Variants in CLIC5 observed in about 807,000 individuals in gnomAD.
CLIC5 encodes chloride intracellular channel protein 5.
A neutral mutation model predicts 24.7 loss-of-function variants in CLIC5; 20 were observed. The observed-to-expected ratio is 0.81, with a 90% confidence interval of 0.57 to 1.18. CLIC5 has a LOEUF of 1.18. CLIC5 is among the 50% of genes most tolerant of loss of function. CLIC5 has a pLI of 0.00. For missense variants in CLIC5, 341 were observed against 326.1 expected, an observed-to-expected ratio of 1.05 and a Z score of -0.35; for synonymous variants, 159 against 135.6, an observed-to-expected ratio of 1.17 and a Z score of -1.20.
the CLIC5 span, among the ~76,000 whole-genome samples, chr6:46,109,417 C>T: frequency 8.1e-5 from 12 of 147,304 alleles, no homozygotes; most frequent in African/African-American, 1.5e-4. Flanking sequence ...CGGTGGCTTA[C>T]GCCTATAATC....
At chr6:46,113,117 T>C in the CLIC5 span, among the ~76,000 whole-genome samples, 1 of 152,074 alleles carries the variant, frequency 6.6e-6, no homozygotes, top group African/African-American at 2.4e-5. Flanking sequence ...TATATGAGAT[T>C]GTGAGTTGGA....
chr6:45,995,520 C>A (rs987902018), intron 1 of CLIC5, among the ~76,000 whole-genome samples: 1 of 152,200 alleles, frequency 6.6e-6, no homozygotes, highest in Admixed American at 6.5e-5. Flanking sequence ...TGTGTTCATA[C>A]AAGCCCTACC....
At chr6:45,966,357 A>G (rs1765016201) in intron 1 of CLIC5, among the ~76,000 whole-genome samples, 1 of 150,946 alleles carries the variant, frequency 6.6e-6, no homozygotes, top group Non-Finnish European at 1.5e-5. Context: ...CCACTCTCAG[A>G]TATTCTGATT....
the CLIC5 span, among the ~76,000 whole-genome samples, chr6:46,090,834 A>G: frequency 6.6e-6 from 1 of 152,228 alleles, no homozygotes; most frequent in Non-Finnish European, 1.5e-5. Flanking sequence ...TTCTCTGTAC[A>G]TAGTGAAATG....
intron 4 of CLIC5, among the ~76,000 whole-genome samples, chr6:45,939,867 G>C (rs1344844894): frequency 6.6e-6 from 1 of 150,890 alleles, no homozygotes; most frequent in African/African-American, 2.4e-5. Flanking sequence ...GCCCAGGCTA[G>C]ACATGAATTC....
intron 1 of CLIC5, among the ~76,000 whole-genome samples, chr6:45,985,343 G>A (rs530169614): frequency 1.3e-4 from 20 of 152,280 alleles, no homozygotes; most frequent in African/African-American, 3.1e-4. Context: ...ATTTTCAGGC[G>A]AGAATCTAAA....
intron 4 of CLIC5, among the ~76,000 whole-genome samples, chr6:45,925,501 G>C (rs1189638759): frequency 2.0e-5 from 3 of 152,076 alleles, no homozygotes; most frequent in African/African-American, 7.2e-5. Flanking sequence ...ATTTTTAGTA[G>C]AGACTGGGTT....
chr6:46,023,325 A>C (rs564292171), intron 1 of CLIC5, among the ~76,000 whole-genome samples: 1 of 152,322 alleles, frequency 6.6e-6, no homozygotes, highest in South Asian at 2.1e-4. Context: ...TAGTGTTATT[A>C]ATCCCATTTC....
upstream of CLIC5, among the ~76,000 whole-genome samples, chr6:46,019,677 A>G (rs1222957370): frequency 7.2e-6 from 1 of 139,616 alleles, no homozygotes; most frequent in African/African-American, 2.7e-5. Flanking sequence ...TGGGCGACAG[A>G]GCGAGACTCC....
chr6:46,008,560 C>T (rs1446159733), intron 1 of CLIC5, among the ~76,000 whole-genome samples: 1 of 152,180 alleles, frequency 6.6e-6, no homozygotes, highest in Non-Finnish European at 1.5e-5. Flanking sequence ...CAGCCCCCTT[C>T]AGCTTTCACA....
At chr6:46,115,035 G>C in the CLIC5 span, among the ~76,000 whole-genome samples, 4 of 152,216 alleles carry the variant, frequency 2.6e-5, no homozygotes, top group African/African-American at 9.6e-5. Flanking sequence ...CAGGGGATTT[G>C]AGTAGTAGCT....
In CLIC5 at chr6:45,906,858, G is replaced by A. The variant is rs370939618; in HGVS notation, c.589-3603C>T. Among the ~76,000 whole-genome samples the A allele has an allele frequency of 4.5e-4, 68 of 152,254 alleles. 1 individual carries two copies. The South Asian group carries it at 0.012, about 27-fold the overall frequency. On this transcript the variant is annotated intron_variant, in intron 5 of 5. Transcript: ENST00000339561. ...ATTACAGGCATGAGCCACTGTGCCC[G>A]GCCACATTGACTTTTTATACTGAGA... is the stretch of plus-strand genomic sequence containing the variant.
chr6:45,951,760 G>C (rs139642560), intron 2 of CLIC5, among the ~76,000 whole-genome samples: 1 of 152,034 alleles, frequency 6.6e-6, no homozygotes, highest in Admixed American at 6.6e-5. Context: ...AACATTAAAC[G>C]CAGAAACTGT....
the CLIC5 span, among the ~76,000 whole-genome samples, chr6:46,115,041 T>C: frequency 3.3e-5 from 5 of 152,280 alleles, no homozygotes; most frequent in Admixed American, 3.3e-4. Flanking sequence ...ATTTGAGTAG[T>C]AGCTTAGCAA....
chr6:45,882,017 A>G (rs921407439), intron 6 of CLIC5, among the ~76,000 whole-genome samples: 1 of 151,684 alleles, frequency 6.6e-6, no homozygotes, highest in African/African-American at 2.4e-5. Flanking sequence ...ACTCTAGAGC[A>G]TTATAGTTCC....
chr6:45,987,795 A>G (rs1765795005), intron 1 of CLIC5, among the ~76,000 whole-genome samples: 1 of 152,096 alleles, frequency 6.6e-6, no homozygotes, highest in African/African-American at 2.4e-5. Flanking sequence ...ATCCTATTGG[A>G]TTAGGGCTAC....
the CLIC5 span, among the ~76,000 whole-genome samples, chr6:46,105,674 A>T: frequency 6.6e-6 from 1 of 152,168 alleles, no homozygotes; most frequent in Admixed American, 6.5e-5. Context: ...GTGGAGTTTC[A>T]GGAGTCACAG....
In CLIC5 at chr6:46,015,569, C is replaced by T. The variant is rs777374564; in HGVS notation, c.-27G>A. ...CCGTTGGCGCCCGGGGCTACCGTCCCGGGCCGGGGAGGCGCCACCTCTGCA... is the reference window on the plus strand; with the variant it reads ...CCGTTGGCGCCCGGGGCTACCGTCCTGGGCCGGGGAGGCGCCACCTCTGCA... On this transcript the variant is annotated 5_prime_UTR_variant, in exon 1 of 6. Coordinates refer to ENST00000339561, the MANE Select transcript of CLIC5 (RefSeq NM_016929.5). The T allele has an allele frequency of 6.5e-7, 1 of 1,549,266 alleles. No individual in the cohort carries two copies. The highest frequency in any genetic ancestry group is 1.2e-5 in the South Asian group (1 of 83,210).
At position 46,064,704 on chromosome 6, in the gene CLIC5, G is replaced by A. The variant is rs928136009; in HGVS notation, c.540+14999C>T. ...TTTGTTTAACATTTGAAAATTAATC[G>A]ATGTATTTGACATTAAAGGGAATGA... On this transcript the variant is annotated intron_variant, in intron 1 of 5. Transcript: ENST00000185206. Among the ~76,000 whole-genome samples, 6 of 151,920 alleles carry A rather than the reference G, an allele frequency of 3.9e-5. No homozygotes were observed. In the East Asian group the frequency reaches 9.6e-4, roughly 24 times the overall value.
Sources: allele counts gnomAD v4.1 joint callset (sites outside exome capture counted in the v4.1 genomes callset), GRCh38; gene constraint gnomAD v4.1.1; transcripts MANE v1.5; gene names NCBI Gene and HGNC (gene_info 2026-07-23, HGNC 2026-07-21).